NBEA: variants seen among roughly 807,000 people sequenced by gnomAD.
NBEA encodes lysosomal-trafficking regulator 2.
A neutral mutation model predicts 343.4 loss-of-function variants in NBEA; 44 were observed. The observed-to-expected ratio is 0.13, with a 90% CI of 0.10 to 0.16. The LOEUF is 0.16. NBEA is among the 10% of genes least tolerant of loss of function. The pLI is 1.00. For synonymous variants in NBEA, 1,175 were observed against 1,238.7 expected (o/e 0.95, Z 1.08); for missense variants, 2,555 against 3,631.3 (o/e 0.70, Z 7.62).
At chr13:35,426,299 C>A (rs2044668656) in intron 38 of NBEA, among the ~76,000 whole-genome samples, 1 of 152,146 alleles carries the variant, frequency 6.6e-6, no homozygotes, top group Admixed American at 6.5e-5. Context: ...TTGTTCCTTT[C>A]CATGTTTAGT....
At chr13:35,103,027 GTTAAA>G (rs2065726657) in intron 11 of NBEA, among the ~76,000 whole-genome samples, 1 of 151,772 alleles carries the variant, frequency 6.6e-6, no homozygotes, top group African/African-American at 2.4e-5. Context: ...GGATTTTTTA[GTTAAA>G]TTAAGGAATT....
At chr13:35,061,952 A>AG (rs2063482977) in intron 8 of NBEA, among the ~76,000 whole-genome samples, 1 of 151,688 alleles carries the variant, frequency 6.6e-6, no homozygotes, top group Non-Finnish European at 1.5e-5. Context: ...CTGGCCAGAA[A>AG]GTTTCTCTAC....
At chr13:35,663,038 C>G (rs2085177376) in intron 55 of NBEA, among the ~76,000 whole-genome samples, 2 of 152,108 alleles carry the variant, frequency 1.3e-5, no homozygotes, top group South Asian at 4.1e-4. Flanking sequence ...ATATGTTATA[C>G]AAGGATACAA....
rs151093194 is a variant in NBEA, at chr13:35,271,327, A to C, written c.5777-19062A>C. On this transcript the variant is annotated intron_variant, in intron 34 of 58. Transcript: ENST00000379939. ...TAACATCAACGTAAACAAAAAGGAC[A>C]TCCACACCAAAATCCCATCCATAGG... Among the ~76,000 whole-genome samples the C allele has an allele frequency of 1.4e-3, 213 of 152,324 alleles. No homozygotes were observed. The East Asian group carries it at 0.02, about 14-fold the overall frequency.
chr13:35,184,875 T>G (rs1164678280), intron 30 of NBEA, among the ~76,000 whole-genome samples: 2 of 152,140 alleles, frequency 1.3e-5, no homozygotes, highest in African/African-American at 4.8e-5. Context: ...CTGTGATAGC[T>G]CCAAGATTTT....
chr13:35,628,007 T>TA (rs934703371), intron 48 of NBEA, 74 bp from the exon 49 acceptor site: 5,550 of 1,007,650 alleles, frequency 5.5e-3, no homozygotes, highest in Non-Finnish European at 6.2e-3. Flanking sequence ...TATTTCAAAG[T>TA]AAAAAAAAAA....
chr13:34,979,623 C>T (rs2060291467), intron 1 of NBEA, among the ~76,000 whole-genome samples: 1 of 152,068 alleles, frequency 6.6e-6, no homozygotes, highest in South Asian at 2.1e-4. Flanking sequence ...ATCCTAGATA[C>T]AGATTTTTAA....
intron 38 of NBEA, among the ~76,000 whole-genome samples, chr13:35,414,191 A>G (rs1354316916): frequency 1.3e-5 from 2 of 152,070 alleles, no homozygotes; most frequent in African/African-American, 4.8e-5. Flanking sequence ...TGAAGTTTTG[A>G]TCATGCTTAC....
At chr13:35,427,915 G>A (rs563959197) in intron 38 of NBEA, among the ~76,000 whole-genome samples, 22 of 152,300 alleles carry the variant, frequency 1.4e-4, no homozygotes, top group Non-Finnish European at 2.8e-4. Flanking sequence ...GACTCTATGG[G>A]CGTAGGACCC....
At chr13:35,445,384 T>C (rs1306305240) in intron 39 of NBEA, among the ~76,000 whole-genome samples, 1 of 152,124 alleles carries the variant, frequency 6.6e-6, no homozygotes, top group African/African-American at 2.4e-5. Context: ...ATTTCCATTG[T>C]CTCATTTTAA....
chr13:35,227,983 G>T (rs1452507196), intron 33 of NBEA, among the ~76,000 whole-genome samples: 30 of 149,928 alleles, frequency 2.0e-4, no homozygotes, highest in African/African-American at 7.1e-4. Flanking sequence ...TTACTGATTT[G>T]TGTACTTAAA....
chr13:35,462,533 G>A (rs2046965213), intron 40 of NBEA, among the ~76,000 whole-genome samples: 1 of 152,156 alleles, frequency 6.6e-6, no homozygotes. Context: ...AAGCGCTTGG[G>A]GAGGGAGCTT....
chr13:35,536,931 C>G (rs957915414), intron 41 of NBEA, among the ~76,000 whole-genome samples: 13 of 152,148 alleles, frequency 8.5e-5, no homozygotes, highest in African/African-American at 2.9e-4. Context: ...ATCCGATATA[C>G]CCCTGGAACT....
Position 35,189,158 on chromosome 13 carries a change from A to T in NBEA, c.4927+5087A>T, listed in dbSNP as rs9573363. On this transcript the variant is annotated intron_variant, in intron 30 of 58. Transcript: ENST00000379939. Reference sequence around the variant, plus strand: ...GGGCTTGAACTCCCCACCCCAAGTGATCCACCTGCCTGTGCCTCCCAAAGT... The same window carrying T: ...GGGCTTGAACTCCCCACCCCAAGTGTTCCACCTGCCTGTGCCTCCCAAAGT... 3.8e-3 allele frequency among the ~76,000 whole-genome samples: 581 copies of T among 152,098 alleles called. 16 individuals carry two copies. In the East Asian group the frequency reaches 0.077, roughly 20 times the overall value.
intron 33 of NBEA, among the ~76,000 whole-genome samples, chr13:35,215,693 A>G (rs186867720): frequency 1.3e-5 from 2 of 151,792 alleles, no homozygotes; most frequent in Non-Finnish European, 3.0e-5. Flanking sequence ...AACTCACATA[A>G]TCGATCTAAC....
At chr13:35,575,422 T>G (rs2080689224) in intron 45 of NBEA, among the ~76,000 whole-genome samples, 1 of 152,174 alleles carries the variant, frequency 6.6e-6, no homozygotes, top group Non-Finnish European at 1.5e-5. Flanking sequence ...AGGAAAGACT[T>G]GGATTGATTG....
At chr13:35,466,955 T>G (rs2075410730) in intron 40 of NBEA, among the ~76,000 whole-genome samples, 1 of 152,076 alleles carries the variant, frequency 6.6e-6, no homozygotes, top group South Asian at 2.1e-4. Flanking sequence ...TATCTAAAAT[T>G]TGGGAATCTA....
At chr13:35,349,376 T>G (rs1436947784) in intron 37 of NBEA, among the ~76,000 whole-genome samples, 160 bp downstream of exon 37, 1 of 152,144 alleles carries the variant, frequency 6.6e-6, no homozygotes, top group African/African-American at 2.4e-5. Context: ...AACAGAGTAC[T>G]AATATATTTT....
At chr13:35,291,636 G>A (rs1024900652) in intron 35 of NBEA, among the ~76,000 whole-genome samples, 1 of 151,914 alleles carries the variant, frequency 6.6e-6, no homozygotes, top group South Asian at 2.1e-4. Flanking sequence ...TGTAAAATGC[G>A]TTTATGGAAA....
Sources: gnomAD v4.1 joint callset for allele counts (sites outside exome capture counted in the v4.1 genomes callset) on GRCh38, gnomAD v4.1.1 for gene constraint, MANE v1.5 for transcripts, NCBI Gene and HGNC (gene_info 2026-07-23, HGNC 2026-07-21) for gene names.